EHBP1: variants seen among roughly 807,000 people sequenced by gnomAD.
EHBP1 encodes EH domain-binding protein 1.
EHBP1 carries 55 observed loss-of-function variants against 144.0 expected under a neutral mutation model. The observed-to-expected ratio is 0.38, with a 90% CI of 0.31 to 0.48. The LOEUF is 0.48. EHBP1 is among the 20% of genes least tolerant of loss of function. EHBP1 has a pLI of 0.98. For missense variants in EHBP1, 1,200 were observed against 1,364.2 expected (o/e 0.88, Z 1.90); for synonymous variants, 469 against 472.7 (o/e 0.99, Z 0.10).
chr2:63,040,863 A>G (rs1405776725), intron 21 of EHBP1, among the ~76,000 whole-genome samples: 5 of 152,222 alleles, frequency 3.3e-5, no homozygotes, highest in African/African-American at 1.2e-4. Flanking sequence ...CTCTGAGCCA[A>G]CCCTTAGAGT....
At chr2:63,020,670 TTTTC>T (rs1460915722) in intron 19 of EHBP1, among the ~76,000 whole-genome samples, 4 of 151,662 alleles carry the variant, frequency 2.6e-5, no homozygotes, top group Admixed American at 6.6e-5. Flanking sequence ...TTTCTGCCTT[TTTTC>T]TTTCTTTTTT....
chr2:62,861,571 C>T (rs953669010), intron 8 of EHBP1, among the ~76,000 whole-genome samples: 1 of 151,598 alleles, frequency 6.6e-6, no homozygotes, highest in Non-Finnish European at 1.5e-5. Flanking sequence ...TGGTGAAACC[C>T]GTCTCTACTT....
chr2:62,774,389 A>G (rs566307249), intron 5 of EHBP1, among the ~76,000 whole-genome samples: 15 of 151,934 alleles, frequency 9.9e-5, no homozygotes, highest in East Asian at 1.9e-4. Context: ...AAAAAAAAAA[A>G]AGAGAGAAAA....
At position 62,948,788 on chromosome 2, in the gene EHBP1, T is replaced by A; in HGVS notation, c.1942T>A (p.Leu648Met). Reference sequence around the variant, plus strand: ...TACAGATTCAACCCAAGCACAGGTTTTGTTAGGCAAAAAGAGACTATTGAA... The same window carrying A: ...TACAGATTCAACCCAAGCACAGGTTATGTTAGGCAAAAAGAGACTATTGAA... Reference protein sequence around the residue: ...SNTDSTQAQVLLGKKRLLKAE... With the variant: ...SNTDSTQAQVMLGKKRLLKAE... Residue 648 changes from leucine to methionine, a missense_variant, in exon 13 of 23, where the codon TTG becomes ATG. Transcript: ENST00000431489. The A allele has an allele frequency of 6.2e-7, 1 of 1,614,140 alleles. No individual in the cohort carries two copies. The highest frequency in any genetic ancestry group is 8.5e-7 in the Non-Finnish European group (1 of 1,179,998).
At chr2:62,751,880 C>G (rs1193120733) in intron 3 of EHBP1, among the ~76,000 whole-genome samples, 1 of 151,852 alleles carries the variant, frequency 6.6e-6, no homozygotes, top group Non-Finnish European at 1.5e-5. Flanking sequence ...CTCTTTTCTT[C>G]TTTATTAGTC....
intron 15 of EHBP1, among the ~76,000 whole-genome samples, chr2:62,988,374 A>G (rs961019780): frequency 3.3e-5 from 5 of 152,134 alleles, no homozygotes; most frequent in African/African-American, 1.2e-4. Context: ...GTCAGAAGGT[A>G]TATATTCCAC....
At chr2:62,887,989 T>G (rs2052083621) in intron 10 of EHBP1, among the ~76,000 whole-genome samples, 2 of 152,194 alleles carry the variant, frequency 1.3e-5, no homozygotes, top group South Asian at 4.1e-4. Flanking sequence ...ATTCCTTTTT[T>G]CCCTCCTATA....
intron 1 of EHBP1, among the ~76,000 whole-genome samples, chr2:62,699,274 G>T (rs1033135998): frequency 1.3e-5 from 2 of 152,170 alleles, no homozygotes; most frequent in Non-Finnish European, 2.9e-5. Flanking sequence ...TGAAGCAAAG[G>T]TCAGTCTACC....
chr2:62,983,242 T>C (rs1329791916), intron 15 of EHBP1, among the ~76,000 whole-genome samples: 1 of 152,132 alleles, frequency 6.6e-6, no homozygotes, highest in East Asian at 1.9e-4. Flanking sequence ...GTATTTTTGG[T>C]TTTAGTTATG....
chr2:62,840,601 G>A (rs2047741010), intron 7 of EHBP1, among the ~76,000 whole-genome samples: 2 of 151,656 alleles, frequency 1.3e-5, no homozygotes, highest in African/African-American at 4.8e-5. Context: ...CTGACAAAGG[G>A]CTAATATCCA....
chr2:62,888,241 A>C (rs2052108191), intron 10 of EHBP1, among the ~76,000 whole-genome samples: 1 of 152,220 alleles, frequency 6.6e-6, no homozygotes, highest in South Asian at 2.1e-4. Flanking sequence ...GGCAAATCTG[A>C]CAGAGAAATG....
chr2:62,756,013 C>T (rs2040244802), intron 3 of EHBP1, among the ~76,000 whole-genome samples: 1 of 151,846 alleles, frequency 6.6e-6, no homozygotes, highest in South Asian at 2.1e-4. Flanking sequence ...GTGCTTCACG[C>T]CTGTAACCCT....
chr2:62,912,383 C>T (rs1282359896), intron 10 of EHBP1, among the ~76,000 whole-genome samples: 1 of 152,048 alleles, frequency 6.6e-6, no homozygotes, highest in Non-Finnish European at 1.5e-5. Context: ...AAAACCCCCT[C>T]TCTACTAAAA....
At chr2:62,827,182 A>G (rs189516559) in intron 6 of EHBP1, among the ~76,000 whole-genome samples, 1 of 152,314 alleles carries the variant, frequency 6.6e-6, no homozygotes. Context: ...GATGTTTGAC[A>G]CTCATCTACA....
intron 19 of EHBP1, among the ~76,000 whole-genome samples, chr2:63,020,334 A>AG (rs1454939326): frequency 1.3e-5 from 2 of 150,012 alleles, no homozygotes; most frequent in Non-Finnish European, 3.0e-5. Flanking sequence ...AAAAAAAAAA[A>AG]AAAAAAAAAA....
At chr2:62,827,967 C>T (rs1284625204) in intron 6 of EHBP1, among the ~76,000 whole-genome samples, 1 of 152,148 alleles carries the variant, frequency 6.6e-6, no homozygotes, top group Non-Finnish European at 1.5e-5. Flanking sequence ...CCGCGCCCAG[C>T]CAGCAAGTTA....
intron 14 of EHBP1, among the ~76,000 whole-genome samples, chr2:62,971,962 A>G (rs2058517986): frequency 6.6e-6 from 1 of 152,186 alleles, no homozygotes; most frequent in Non-Finnish European, 1.5e-5. Context: ...TCTCAGAAAC[A>G]GGAAGTCTAA....
intron 10 of EHBP1, among the ~76,000 whole-genome samples, chr2:62,875,277 C>G (rs555404000): frequency 6.6e-6 from 1 of 152,308 alleles, no homozygotes; most frequent in East Asian, 1.9e-4. Flanking sequence ...CATCTCAGGC[C>G]CTCGAGCACA....
chr2:62,857,854 G>A (rs1421950269), intron 7 of EHBP1, among the ~76,000 whole-genome samples: 1 of 151,192 alleles, frequency 6.6e-6, no homozygotes, highest in African/African-American at 2.4e-5. Context: ...TAAAAGAACA[G>A]ATCCTATTAA....
Sources: allele counts gnomAD v4.1 joint callset (sites outside exome capture counted in the v4.1 genomes callset), GRCh38; gene constraint gnomAD v4.1.1; transcripts MANE v1.5; gene names NCBI Gene and HGNC (gene_info 2026-07-23, HGNC 2026-07-21).